Variants in CFAP92 observed in about 807,000 individuals in gnomAD.
CFAP92 encodes uncharacterized protein CFAP92.
A neutral mutation model predicts 106.3 loss-of-function variants in CFAP92; 86 were observed. That is an observed-to-expected ratio of 0.81 (90% CI 0.68 to 0.97). The LOEUF (loss-of-function observed/expected upper bound fraction) is 0.97. Among genes scored for constraint, CFAP92 ranks in the 50% least tolerant of loss-of-function variants. The pLI is 0.00. For missense variants in CFAP92, 1,204 were observed against 1,283.8 expected (o/e 0.94, Z 0.95); for synonymous variants, 477 against 506.4 (o/e 0.94, Z 0.78).
Position 129,002,202 on chromosome 3 carries a change from G to T in CFAP92, n.117+372C>A. On this transcript the variant is annotated intron_variant and non_coding_transcript_variant, in intron 1 of 4. Coordinates refer to the CFAP92 transcript ENST00000510149. The stretch of plus-strand genomic sequence containing the variant: ...CCGCCCGCCCTGCGCGCCTGGCCCC[G>T]ACAGCGGTCCTGACTGTGAGCGCGT... The T allele has an allele frequency of 2.6e-6, 4 of 1,512,076 alleles. No individual in the cohort carries two copies. The East Asian group carries it at 8.0e-5, about 30-fold the overall frequency. 93.7% of individuals were successfully genotyped at this position (1,512,076 alleles called of 1,614,324 possible). A position where few individuals can be genotyped will look rare whatever the true frequency, so the allele number is the denominator to read the frequency against.
intron 9 of CFAP92, among the ~76,000 whole-genome samples, chr3:128,952,377 C>A (rs762214155): frequency 1.3e-5 from 2 of 151,940 alleles, no homozygotes; most frequent in Non-Finnish European, 2.9e-5. Context: ...TTCTCCAGCA[C>A]CCAGCTTAAA....
chr3:128,946,029 G>T, intron 9 of CFAP92, 54 bp from the exon 10 acceptor site: 2 of 1,312,616 alleles, frequency 1.5e-6, no homozygotes, highest in Non-Finnish European at 2.0e-6. Context: ...CAGTCACTCA[G>T]CCCCAGCATG....
intron 9 of CFAP92, among the ~76,000 whole-genome samples, chr3:128,962,305 T>C (rs1459786003): frequency 6.6e-6 from 1 of 152,178 alleles, no homozygotes; most frequent in African/African-American, 2.4e-5. Flanking sequence ...ATTACCTTCT[T>C]TTCAAGGGCC....
chr3:129,012,241 C>T, the CFAP92 span, among the ~76,000 whole-genome samples: 1 of 152,238 alleles, frequency 6.6e-6, no homozygotes, highest in Non-Finnish European at 1.5e-5. Flanking sequence ...GTTTTAGTAC[C>T]TACCGCACAG....
intron 10 of CFAP92, among the ~76,000 whole-genome samples, chr3:128,937,332 A>AAAAAAAC (rs796582752): frequency 1.4e-5 from 2 of 143,502 alleles, no homozygotes; most frequent in African/African-American, 5.2e-5. Flanking sequence ...AAAAAAAAAA[A>AAAAAAAC]CCACGCGTAG....
intron 12 of CFAP92, among the ~76,000 whole-genome samples, chr3:128,922,715 A>G (rs1937395396): frequency 6.6e-6 from 1 of 152,276 alleles, no homozygotes; most frequent in Non-Finnish European, 1.5e-5. Context: ...TGATTTTACC[A>G]TGTCACGGGC....
At chr3:128,934,593 C>T (rs1013985634) in intron 11 of CFAP92, among the ~76,000 whole-genome samples, 1 of 152,016 alleles carries the variant, frequency 6.6e-6, no homozygotes, top group Non-Finnish European at 1.5e-5. Flanking sequence ...TACAGTGGCT[C>T]GGTCTCAGCT....
At chr3:129,004,016 C>T (rs772297050), upstream of CFAP92, 2 of 1,508,242 alleles carry the variant, frequency 1.3e-6, no homozygotes, top group South Asian at 1.2e-5. Context: ...GGCGCTGGCG[C>T]AACAGGTGCC....
At chr3:128,937,955 T>A (rs897986961) in intron 10 of CFAP92, among the ~76,000 whole-genome samples, 1 of 151,768 alleles carries the variant, frequency 6.6e-6, no homozygotes, top group African/African-American at 2.4e-5. Context: ...TCTCAGCTAC[T>A]ATGGAGGTTG....
At chr3:128,963,950 CCT>C (rs1364482613) in intron 9 of CFAP92, among the ~76,000 whole-genome samples, 1 of 152,140 alleles carries the variant, frequency 6.6e-6, no homozygotes, top group East Asian at 1.9e-4. Flanking sequence ...AACTAAAATA[CCT>C]CTTAGTTCAA....
intron 10 of CFAP92, among the ~76,000 whole-genome samples, 186 bp downstream of exon 10, chr3:128,944,885 C>T (rs1165753235): frequency 6.6e-6 from 1 of 152,178 alleles, no homozygotes; most frequent in Non-Finnish European, 1.5e-5. Flanking sequence ...GAATTCCTCC[C>T]TGGAACCAAA....
Position 128,971,287 on chromosome 3 carries a change from C to T in CFAP92, c.1168G>A (p.Gly390Arg), listed in dbSNP as rs372733358. ...TGGGAACAGGGCAAGCAGTGGGTAC[C>T]GGCAAGGAGCGGCATGACGGCCAGC... ...IQLAVMPLLA[G>R]WQTVVSRGSE... is the part of the protein sequence containing the mutation. Residue 390 changes from glycine to arginine, a missense_variant and splice_region_variant, in exon 8 of 16, where the codon GGA becomes AGA. Coordinates refer to ENST00000645291, the MANE Select transcript of CFAP92 (RefSeq NM_001394090.1). 1.1e-5 allele frequency: 17 copies of T among 1,613,618 alleles called. No individual in the cohort carries two copies. Among genetic ancestry groups the T allele is most frequent in the African/African-American group, 9.3e-5 (7 of 75,026 alleles).
rs1330384079 is a variant in CFAP92 at position 128,964,824 on chromosome 3, G to A, written c.1353+687C>T. Among the ~76,000 whole-genome samples, 3 of 152,094 alleles carry A rather than the reference G, an allele frequency of 2.0e-5. No homozygotes were observed. The East Asian group carries it at 5.8e-4, about 29-fold the overall frequency. Reference sequence around the variant, plus strand: ...CTCTCCCACTCTAGGTTCCCACGCTGCCCCTAATCCCGCTTGAAGCAGCCC... The same window carrying A: ...CTCTCCCACTCTAGGTTCCCACGCTACCCCTAATCCCGCTTGAAGCAGCCC... On this transcript the variant is annotated intron_variant, in intron 9 of 15. Coordinates refer to ENST00000645291, the MANE Select transcript of CFAP92 (RefSeq NM_001394090.1).
chr3:128,913,233 A>G, intron 15 of CFAP92: 1 of 365,462 alleles, frequency 2.7e-6, no homozygotes, highest in Non-Finnish European at 5.4e-6. Flanking sequence ...CCCTGCAAGG[A>G]GGGCCCAGAA....
upstream of CFAP92, chr3:129,004,019 C>G: frequency 6.6e-6 from 10 of 1,508,840 alleles, no homozygotes; most frequent in Non-Finnish European, 8.8e-6. Flanking sequence ...GCTGGCGCAA[C>G]AGGTGCCCGG....
chr3:128,974,323 C>A (rs1401057236), intron 7 of CFAP92, among the ~76,000 whole-genome samples: 1 of 152,138 alleles, frequency 6.6e-6, no homozygotes, highest in African/African-American at 2.4e-5. Context: ...AGCAGTATAC[C>A]CACTGGCTCT....
intron 2 of CFAP92, among the ~76,000 whole-genome samples, chr3:128,992,204 T>C (rs919556556): frequency 1.3e-5 from 2 of 152,202 alleles, no homozygotes; most frequent in Admixed American, 1.3e-4. Flanking sequence ...TTGCACCGCA[T>C]TTTTGTGGCA....
chr3:128,950,199 A>G (rs1940643863), intron 9 of CFAP92, among the ~76,000 whole-genome samples: 2 of 152,196 alleles, frequency 1.3e-5, no homozygotes, highest in Admixed American at 1.3e-4. Flanking sequence ...GTCTGTGGGC[A>G]TTCAGAATGC....
intron 12 of CFAP92, among the ~76,000 whole-genome samples, chr3:128,925,951 A>C (rs1176123909): frequency 2.0e-5 from 3 of 152,200 alleles, no homozygotes; most frequent in Non-Finnish European, 2.9e-5. Context: ...ATACCCAAAA[A>C]ATCTAATCAC....
Sources: allele counts gnomAD v4.1 joint callset (sites outside exome capture counted in the v4.1 genomes callset), GRCh38; gene constraint gnomAD v4.1.1; transcripts MANE v1.5; gene names NCBI Gene and HGNC (gene_info 2026-07-23, HGNC 2026-07-21).